Variants in SHROOM3 observed in about 807,000 individuals in gnomAD.
The protein encoded by SHROOM3 is protein Shroom3.
A neutral mutation model predicts 138.6 loss-of-function variants in SHROOM3; 47 were observed. The ratio of observed to expected loss-of-function variants is 0.34; its 90% CI spans 0.27 to 0.43. SHROOM3 has a LOEUF of 0.43. Among genes scored for constraint, SHROOM3 ranks in the 20% least tolerant of loss-of-function variants. SHROOM3 has a pLI of 1.00. For synonymous variants in SHROOM3, 1,062 were observed against 1,063.3 expected (o/e 1.00, Z 0.02); for missense variants, 2,491 against 2,596.5 (o/e 0.96, Z 0.88).
At chr4:76,617,824 A>G (rs1053893436) in intron 2 of SHROOM3, among the ~76,000 whole-genome samples, 3 of 152,258 alleles carry the variant, frequency 2.0e-5, no homozygotes, top group Admixed American at 6.5e-5. Flanking sequence ...TGTAAAATCT[A>G]AAACTTTTTT....
chr4:76,595,344 C>T (rs929008680), intron 2 of SHROOM3, among the ~76,000 whole-genome samples: 5 of 152,192 alleles, frequency 3.3e-5, no homozygotes, highest in African/African-American at 9.7e-5. Flanking sequence ...TTCTGACAGA[C>T]ATGGTGCCAG....
chr4:76,468,610 A>G (rs974251058), intron 1 of SHROOM3, among the ~76,000 whole-genome samples: 110 of 151,388 alleles, frequency 7.3e-4, no homozygotes, highest in African/African-American at 2.5e-3. Flanking sequence ...ATAAATATAT[A>G]TACATATATC....
chr4:76,633,148 A>G (rs995985017), intron 2 of SHROOM3, among the ~76,000 whole-genome samples: 1 of 151,126 alleles, frequency 6.6e-6, no homozygotes, highest in Admixed American at 6.6e-5. Context: ...AGGCGGGGGA[A>G]TCTCTTGAGG....
At chr4:76,511,011 C>T (rs1732323458) in intron 1 of SHROOM3, among the ~76,000 whole-genome samples, 1 of 151,888 alleles carries the variant, frequency 6.6e-6, no homozygotes, top group African/African-American at 2.4e-5. Flanking sequence ...TGAAACCCCG[C>T]CTGTACTAAA....
rs1719224476 is a variant in SHROOM3, at chr4:76,682,404, CA to C, written c.324-27751del. 2.0e-5 allele frequency among the ~76,000 whole-genome samples: 3 copies of C among 152,174 alleles called. No homozygotes were observed. In the South Asian group the frequency reaches 6.2e-4, roughly 32 times the overall value. On this transcript the variant is annotated intron_variant, in intron 2 of 10. Transcript: ENST00000296043. Reference sequence around the variant, plus strand: ...TAGTGAGATCAACTGACGTCACCCCCAGCAGGCAAGATCTTGAATTCAGTCC... The same window carrying C: ...TAGTGAGATCAACTGACGTCACCCCCGCAGGCAAGATCTTGAATTCAGTCC...
intron 7 of SHROOM3, 36 bp from the exon 8 acceptor site, chr4:76,756,405 TTCTCTCTC>T (rs11383066): frequency 1.2e-5 from 18 of 1,479,242 alleles, no homozygotes; most frequent in South Asian, 4.9e-5. Context: ...CACTCTCTCT[TTCTCTCTC>T]TCTCTTTTTT....
chr4:76,606,732 G>A (rs956683153), intron 2 of SHROOM3, among the ~76,000 whole-genome samples: 1 of 151,856 alleles, frequency 6.6e-6, no homozygotes. Flanking sequence ...ACATACATAC[G>A]TACATAAATA....
chr4:76,644,500 C>T (rs560206119), intron 2 of SHROOM3: 1 of 151,778 alleles, frequency 6.6e-6, no homozygotes, highest in African/African-American at 2.4e-5. Context: ...ATCCGCCCAC[C>T]TCGGCCTACC....
At chr4:76,503,343 A>G (rs1273077711) in intron 1 of SHROOM3, among the ~76,000 whole-genome samples, 3 of 152,130 alleles carry the variant, frequency 2.0e-5, no homozygotes, top group Non-Finnish European at 4.4e-5. Context: ...GTTCTTATAC[A>G]TATTTCATTA....
chr4:76,685,108 A>C (rs1719299508), intron 2 of SHROOM3, among the ~76,000 whole-genome samples: 1 of 152,158 alleles, frequency 6.6e-6, no homozygotes, highest in African/African-American at 2.4e-5. Flanking sequence ...GTTCCTCCTA[A>C]TATTTTCTCT....
chr4:76,605,990 CAT>C lies in SHROOM3; in HGVS notation c.323+50244_323+50245del, dbSNP rs751028363. Among the ~76,000 whole-genome samples, 166 of 84,710 alleles carry C rather than the reference CAT, an allele frequency of 2.0e-3. 1 individual carries two copies. Among genetic ancestry groups the C allele is most frequent in the Middle Eastern group, 8.3e-3 (1 of 120 alleles). 55.6% of individuals were successfully genotyped at this position (84,710 alleles called of 152,430 possible). Reference sequence around the variant, plus strand: ...ATATATACACATATACACACACACACATATATATATATATATATTTTTTTTTT... The same window carrying C: ...ATATATACACATATACACACACACACATATATATATATATATTTTTTTTTT... On this transcript the variant is annotated intron_variant, in intron 2 of 10. Transcript: ENST00000296043.
At chr4:76,712,177 AAAGAAAATGAT>A (rs1453734426) in intron 3 of SHROOM3, among the ~76,000 whole-genome samples, 1 of 152,244 alleles carries the variant, frequency 6.6e-6, no homozygotes, top group African/African-American at 2.4e-5. Context: ...TCCAGCCTGG[AAAGAAAATGAT>A]CAAGACCTGA....
chr4:76,602,068 T>C (rs1734519073), intron 2 of SHROOM3, among the ~76,000 whole-genome samples: 1 of 152,152 alleles, frequency 6.6e-6, no homozygotes, highest in Non-Finnish European at 1.5e-5. Flanking sequence ...ATTTCAACAC[T>C]CCCCTTCAAG....
chr4:76,663,801 G>A (rs1718610014), intron 2 of SHROOM3, among the ~76,000 whole-genome samples: 1 of 152,166 alleles, frequency 6.6e-6, no homozygotes, highest in Non-Finnish European at 1.5e-5. Context: ...AGGTAACAGT[G>A]GACCCACTTT....
chr4:76,725,062 T>C (rs1393202904), intron 3 of SHROOM3, among the ~76,000 whole-genome samples: 1 of 152,206 alleles, frequency 6.6e-6, no homozygotes, highest in Non-Finnish European at 1.5e-5. Flanking sequence ...ACATATCTTC[T>C]GCATCTAAAA....
At chr4:76,577,364 G>C (rs1733962808) in intron 2 of SHROOM3, among the ~76,000 whole-genome samples, 2 of 152,132 alleles carry the variant, frequency 1.3e-5, no homozygotes, top group Admixed American at 1.3e-4. Flanking sequence ...GTGTATTGTT[G>C]TCAGCAGTAC....
At chr4:76,693,709 G>A (rs973162783) in intron 2 of SHROOM3, among the ~76,000 whole-genome samples, 1 of 151,908 alleles carries the variant, frequency 6.6e-6, no homozygotes, top group African/African-American at 2.4e-5. Context: ...TTTTAAGGTT[G>A]TGGGGATTTA....
At chr4:76,554,503 G>A (rs182838969) in intron 1 of SHROOM3, among the ~76,000 whole-genome samples, 9 of 148,918 alleles carry the variant, frequency 6.0e-5, no homozygotes, top group East Asian at 4.0e-4. Context: ...CACTGCAAGC[G>A]TCGGCTCTTG....
chr4:76,528,943 A>G (rs929630588), intron 1 of SHROOM3, among the ~76,000 whole-genome samples: 8 of 152,144 alleles, frequency 5.3e-5, no homozygotes, highest in African/African-American at 1.9e-4. Context: ...TGGGTGGGCA[A>G]CTGTGACGTC....
Sources: gnomAD v4.1 joint callset for allele counts (sites outside exome capture counted in the v4.1 genomes callset) on GRCh38, gnomAD v4.1.1 for gene constraint, MANE v1.5 for transcripts, NCBI Gene and HGNC (gene_info 2026-07-23, HGNC 2026-07-21) for gene names.